PAPSS2: variants seen among roughly 807,000 people sequenced by gnomAD.
PAPSS2 encodes 3'-phosphoadenosine 5'-phosphosulfate synthase 2.
In PAPSS2, 61 loss-of-function variants were observed where a neutral mutation model predicts 66.5. The ratio of observed to expected loss-of-function variants is 0.92; its 90% CI spans 0.75 to 1.14. The LOEUF (loss-of-function observed/expected upper bound fraction) is 1.14. Among genes scored for constraint, PAPSS2 ranks in the 50% most tolerant of loss-of-function variants. The pLI is 0.00. For missense variants in PAPSS2, 708 were observed against 789.6 expected (o/e 0.90, Z 1.24); for synonymous variants, 289 against 287.5 (o/e 1.01, Z -0.05).
At chr10:87,662,294 T>C (rs1436363596) in intron 1 of PAPSS2, among the ~76,000 whole-genome samples, 2 of 152,170 alleles carry the variant, frequency 1.3e-5, no homozygotes, top group African/African-American at 2.4e-5. Context: ...CAGGTTTTTT[T>C]GGCCACACTC....
At chr10:87,676,872 CAAAAAAAAAAAAAAAAAAAAAAAAA>C (rs71019493) in intron 1 of PAPSS2, among the ~76,000 whole-genome samples, 14 of 31,340 alleles carry the variant, frequency 4.5e-4, no homozygotes, top group African/African-American at 1.4e-3. Flanking sequence ...GACCCTGTCT[CAAAAAAAAAAAAAAAAAAAAAAAAA>C]AAAAAAAAAA....
intron 1 of PAPSS2, among the ~76,000 whole-genome samples, chr10:87,706,106 A>ATGTGTGTGTG (rs1223497557): frequency 8.2e-5 from 7 of 85,276 alleles, no homozygotes; most frequent in African/African-American, 2.7e-4. Flanking sequence ...ATATATATAT[A>ATGTGTGTGTG]TATGTGTGTG....
intron 1 of PAPSS2, among the ~76,000 whole-genome samples, chr10:87,678,419 G>A (rs543147879): frequency 2.5e-4 from 38 of 152,230 alleles, no homozygotes; most frequent in African/African-American, 9.1e-4. Context: ...TAAAAGCATA[G>A]ACACCTAAAA....
chr10:87,718,881 TG>T (rs1174126369), intron 7 of PAPSS2, among the ~76,000 whole-genome samples: 1 of 152,218 alleles, frequency 6.6e-6, no homozygotes, highest in African/African-American at 2.4e-5. Flanking sequence ...GGCTCCAGTG[TG>T]GCTCTGTCAG....
rs143021446 is a variant in PAPSS2, at chr10:87,705,004, C to T, written c.28-4192C>T. ...TGCGTGTACATGGTAAAATTTACAA[C>T]GAAATACACATTTAGAATACATTCA... On this transcript the variant is annotated intron_variant, in intron 1 of 12. Transcript: ENST00000456849. 2.0e-4 allele frequency among the ~76,000 whole-genome samples: 31 copies of T among 152,276 alleles called. 1 individual carries two copies. The South Asian group carries it at 2.5e-3, about 12-fold the overall frequency.
At chr10:87,709,404 CTTGTT>C in intron 2 of PAPSS2, 91 bp downstream of exon 2, 1 of 778,444 alleles carries the variant, frequency 1.3e-6, no homozygotes, top group Non-Finnish European at 2.2e-6. Context: ...GTATTACATG[CTTGTT>C]TTATCATTAG....
intron 9 of PAPSS2, among the ~76,000 whole-genome samples, chr10:87,732,782 T>A (rs1170880652): frequency 6.6e-6 from 1 of 152,162 alleles, no homozygotes; most frequent in Non-Finnish European, 1.5e-5. Context: ...TTTTAGAATT[T>A]CTTAGAAGCC....
At chr10:87,717,146 C>G (rs536072176) in intron 7 of PAPSS2, among the ~76,000 whole-genome samples, 30 of 152,308 alleles carry the variant, frequency 2.0e-4, no homozygotes, top group Admixed American at 9.8e-4. Context: ...ACAAGGAAGG[C>G]TGACTTTTAT....
At chr10:87,745,750 CA>C in intron 12 of PAPSS2, 81 bp from the exon 13 acceptor site, 1 of 1,472,648 alleles carries the variant, frequency 6.8e-7, no homozygotes, top group Non-Finnish European at 9.5e-7. Flanking sequence ...ACATGGGTCT[CA>C]AAAACCATAA....
At chr10:87,730,591 C>A (rs184734521) in intron 9 of PAPSS2, among the ~76,000 whole-genome samples, 1 of 152,224 alleles carries the variant, frequency 6.6e-6, no homozygotes, top group East Asian at 1.9e-4. Flanking sequence ...GCAAATGTAC[C>A]CCACAAAAGG....
chr10:87,706,094 ATATATATATATATATGTGTGTGTG>A (rs1201732642), intron 1 of PAPSS2, among the ~76,000 whole-genome samples: 2 of 90,154 alleles, frequency 2.2e-5, no homozygotes, highest in East Asian at 3.1e-4. Context: ...GTATATATAT[ATATATATATATATATGTGTGTGTG>A]TGTGTGTGTG....
At chr10:87,741,159 T>A in intron 9 of PAPSS2, 76 bp from the exon 10 acceptor site, 1 of 1,445,090 alleles carries the variant, frequency 6.9e-7, no homozygotes, top group East Asian at 2.3e-5. Flanking sequence ...CCGAGATTGG[T>A]CTAAAAGGAG....
chr10:87,714,615 T>G, intron 4 of PAPSS2, 130 bp from the exon 5 acceptor site: 1 of 729,688 alleles, frequency 1.4e-6, no homozygotes, highest in South Asian at 1.4e-5. Context: ...CAAGGATGGC[T>G]GTTTGACCTT....
At chr10:87,720,916 A>C (rs944425948) in intron 7 of PAPSS2, among the ~76,000 whole-genome samples, 1 of 152,170 alleles carries the variant, frequency 6.6e-6, no homozygotes, top group Non-Finnish European at 1.5e-5. Context: ...TTTGATCATA[A>C]ATGTCACATT....
chr10:87,704,597 A>G (rs1310381308), intron 1 of PAPSS2, among the ~76,000 whole-genome samples: 1 of 151,678 alleles, frequency 6.6e-6, no homozygotes, highest in African/African-American at 2.4e-5. Flanking sequence ...ATATAATTCC[A>G]TCTAAAATCT....
In PAPSS2 at chr10:87,709,301, G is replaced by A. The variant is rs142362349; in HGVS notation, c.133G>A (p.Val45Met). Residue 45 changes from valine (V) to methionine (M), a missense_variant, in exon 2 of 13, where the codon GTG (valine) becomes ATG (methionine). Transcript: ENST00000456849. ...GTRGGFRGCT[V>M]WLTGLSGAGK... The stretch of plus-strand genomic sequence containing the variant: ...AAGGGGTGGGTTCCGAGGATGTACC[G>A]TGTGGCTAACAGGTATGTCATGTTC... 27 of 1,590,486 alleles carry A rather than the reference G, an allele frequency of 1.7e-5. No individual in the cohort carries two copies. The highest frequency in any genetic ancestry group is 1.3e-4 in the South Asian group (12 of 90,402).
At chr10:87,688,266 TAG>T (rs1276598878) in intron 1 of PAPSS2, among the ~76,000 whole-genome samples, 5 of 151,798 alleles carry the variant, frequency 3.3e-5, no homozygotes, top group African/African-American at 4.8e-5. Flanking sequence ...AAATTATTGT[TAG>T]AGTTTATTAT....
chr10:87,707,939 A>G (rs1292021670), intron 1 of PAPSS2, among the ~76,000 whole-genome samples: 5 of 152,208 alleles, frequency 3.3e-5, no homozygotes, highest in Non-Finnish European at 7.3e-5. Flanking sequence ...ATGCAAGTGT[A>G]ATATTTAAAA....
At chr10:87,678,981 T>C (rs1271321580) in intron 1 of PAPSS2, among the ~76,000 whole-genome samples, 1 of 152,218 alleles carries the variant, frequency 6.6e-6, no homozygotes, top group East Asian at 1.9e-4. Context: ...TACATTTACA[T>C]GTTTATTGTA....
Sources: allele counts gnomAD v4.1 joint callset (sites outside exome capture counted in the v4.1 genomes callset), GRCh38; gene constraint gnomAD v4.1.1; transcripts MANE v1.5; gene names NCBI Gene and HGNC (gene_info 2026-07-23, HGNC 2026-07-21).